The following RBFOX1 variants were observed in gnomAD, a reference collection of about 807,000 sequenced individuals.
RBFOX1 encodes RNA binding protein fox-1 homolog 1.
A neutral mutation model predicts 57.7 loss-of-function variants in RBFOX1; 8 were observed. That is an observed-to-expected ratio of 0.14 (90% confidence interval 0.08 to 0.25). The LOEUF (loss-of-function observed/expected upper bound fraction) is 0.25. RBFOX1 is among the 10% of genes least tolerant of loss of function. The pLI, the probability that RBFOX1 is intolerant of heterozygous loss-of-function variation, is 1.00. For synonymous variants in RBFOX1, 326 were observed against 222.4 expected (o/e 1.47, Z -4.15); for missense variants, 611 against 548.5 (o/e 1.11, Z -1.14).
At chr16:7,344,562 A>G (rs1056370079) in intron 4 of RBFOX1, among the ~76,000 whole-genome samples, 6 of 151,342 alleles carry the variant, frequency 4.0e-5, no homozygotes, top group African/African-American at 1.5e-4. Flanking sequence ...GTTACATAGT[A>G]ATGATTATAT....
intron 1 of RBFOX1, among the ~76,000 whole-genome samples, chr16:6,200,366 G>C (rs989515559): frequency 6.6e-6 from 1 of 152,014 alleles, no homozygotes; most frequent in African/African-American, 2.4e-5. Flanking sequence ...CGATGTAGTA[G>C]GGTCACCTGA....
chr16:6,769,171 A>C (rs1477787540), intron 3 of RBFOX1, among the ~76,000 whole-genome samples: 1 of 152,150 alleles, frequency 6.6e-6, no homozygotes, highest in Non-Finnish European at 1.5e-5. Flanking sequence ...CGCTGTTCTC[A>C]TGATAGTGCA....
chr16:6,485,220 G>T (rs1228904870), intron 2 of RBFOX1, among the ~76,000 whole-genome samples: 2 of 152,136 alleles, frequency 1.3e-5, no homozygotes, highest in African/African-American at 2.4e-5. Flanking sequence ...AGTCTTATCT[G>T]CCCACACGCT....
intron 4 of RBFOX1, among the ~76,000 whole-genome samples, chr16:5,901,745 G>A (rs2058309886): frequency 6.6e-6 from 1 of 152,128 alleles, no homozygotes; most frequent in African/African-American, 2.4e-5. Flanking sequence ...AGAATTTTTT[G>A]GGGGCAGTGA....
intron 4 of RBFOX1, among the ~76,000 whole-genome samples, chr16:7,482,953 T>G (rs542743455): frequency 1.3e-5 from 2 of 152,300 alleles, no homozygotes; most frequent in South Asian, 2.1e-4. Context: ...GGAAAAGACC[T>G]TCACCTGGCT....
intron 3 of RBFOX1, among the ~76,000 whole-genome samples, chr16:6,999,225 A>ATTTTTTTTTTTTTTTTTT (rs200620958): frequency 2.4e-5 from 3 of 122,954 alleles, no homozygotes; most frequent in Non-Finnish European, 3.4e-5. Flanking sequence ...TATTTTTTTT[A>ATTTTTTTTTTTTTTTTTT]TTTATTTTTT....
At chr16:6,320,857 G>A (rs1196416038) in intron 2 of RBFOX1, among the ~76,000 whole-genome samples, 4 of 152,080 alleles carry the variant, frequency 2.6e-5, no homozygotes, top group African/African-American at 7.2e-5. Context: ...GCAGTGGCAC[G>A]ATCTCAGCTC....
intron 4 of RBFOX1, among the ~76,000 whole-genome samples, chr16:7,233,373 T>A (rs1332073777): frequency 6.6e-6 from 1 of 152,234 alleles, no homozygotes; most frequent in Non-Finnish European, 1.5e-5. Flanking sequence ...TTCACGTGCT[T>A]CCAAGTCCTG....
chr16:7,214,334 C>G (rs1479604386), intron 4 of RBFOX1, among the ~76,000 whole-genome samples: 1 of 152,136 alleles, frequency 6.6e-6, no homozygotes, highest in Non-Finnish European at 1.5e-5. Context: ...ATATATTTCC[C>G]TGTAGATCCC....
intron 1 of RBFOX1, among the ~76,000 whole-genome samples, chr16:5,381,447 C>T (rs1458008134): frequency 6.6e-6 from 1 of 152,218 alleles, no homozygotes; most frequent in Non-Finnish European, 1.5e-5. Flanking sequence ...TGCAGATTTG[C>T]ACTCAGTAGG....
chr16:6,264,336 A>G (rs576439477), intron 1 of RBFOX1, among the ~76,000 whole-genome samples: 3 of 152,272 alleles, frequency 2.0e-5, no homozygotes, highest in East Asian at 3.9e-4. Flanking sequence ...CTCCCAGTGA[A>G]GTTGCACTGG....
intron 1 of RBFOX1, among the ~76,000 whole-genome samples, chr16:5,295,295 A>G (rs952916384): frequency 6.6e-6 from 1 of 152,112 alleles, no homozygotes; most frequent in Non-Finnish European, 1.5e-5. Context: ...CAGGTTCTGC[A>G]TTTCCCTCAG....
At chr16:6,978,231 C>G (rs58489612) in intron 3 of RBFOX1, among the ~76,000 whole-genome samples, 8,318 of 152,268 alleles carry the variant, frequency 0.055, 253 homozygotes, top group African/African-American at 0.072. Flanking sequence ...TCTTGAAAAA[C>G]AAGTTTCTAG....
chr16:7,085,378 C>T (rs117257172), intron 4 of RBFOX1, among the ~76,000 whole-genome samples: 1,630 of 152,146 alleles, frequency 0.011, 15 homozygotes, highest in Non-Finnish European at 0.016. Context: ...TATATATGTG[C>T]AAGTTATTTG....
At chr16:6,408,414 T>G (rs2093356447) in intron 2 of RBFOX1, among the ~76,000 whole-genome samples, 1 of 152,164 alleles carries the variant, frequency 6.6e-6, no homozygotes, top group African/African-American at 2.4e-5. Context: ...GGTTAGTGTT[T>G]TTTAATAGAC....
intron 4 of RBFOX1, among the ~76,000 whole-genome samples, chr16:7,500,874 A>T (rs1368992396): frequency 6.6e-6 from 1 of 152,176 alleles, no homozygotes; most frequent in African/African-American, 2.4e-5. Flanking sequence ...AGGTAATTGA[A>T]TGATGGGGAC....
chr16:6,382,346 G>A (rs1412356034), intron 2 of RBFOX1, among the ~76,000 whole-genome samples: 1 of 152,214 alleles, frequency 6.6e-6, no homozygotes, highest in East Asian at 1.9e-4. Flanking sequence ...TGGAAGAAAA[G>A]AAAGAAGGTG....
intron 3 of RBFOX1, among the ~76,000 whole-genome samples, chr16:6,908,960 G>A (rs776640556): frequency 2.6e-5 from 4 of 152,096 alleles, no homozygotes; most frequent in African/African-American, 7.2e-5. Flanking sequence ...CCCCCAACAC[G>A]CTCTCTCTGG....
At chr16:6,080,518 T>C (rs992762111) in intron 1 of RBFOX1, among the ~76,000 whole-genome samples, 1 of 152,144 alleles carries the variant, frequency 6.6e-6, no homozygotes, top group African/African-American at 2.4e-5. Context: ...GAGGCAAACA[T>C]TGATTGAAGA....
Sources: gnomAD v4.1 joint callset for allele counts (sites outside exome capture counted in the v4.1 genomes callset) on GRCh38, gnomAD v4.1.1 for gene constraint, MANE v1.5 for transcripts, NCBI Gene and HGNC (gene_info 2026-07-23, HGNC 2026-07-21) for gene names.